Variants in MDFIC observed in about 807,000 individuals in gnomAD.
MDFIC encodes the protein MyoD family inhibitor domain containing.
A neutral mutation model predicts 23.2 loss-of-function variants in MDFIC; 17 were observed. The observed-to-expected ratio is 0.73, with a 90% CI of 0.50 to 1.10. The LOEUF (loss-of-function observed/expected upper bound fraction) is 1.10, where lower values mean the gene tolerates loss of function less well. MDFIC is among the 50% of genes least tolerant of loss of function. MDFIC has a pLI of 0.00. For synonymous variants in MDFIC, 120 were observed against 115.2 expected (o/e 1.04, Z -0.27); for missense variants, 356 against 316.6 (o/e 1.12, Z -0.95).
At chr7:114,933,789 A>G (rs1792374775) in intron 2 of MDFIC, 1 of 152,246 alleles carries the variant, frequency 6.6e-6, no homozygotes. Context: ...ATACTTTCTA[A>G]TATGGCACTG....
intron 2 of MDFIC, chr7:114,933,936 A>G (rs1413046771): frequency 6.6e-6 from 1 of 152,198 alleles, no homozygotes; most frequent in Non-Finnish European, 1.5e-5. Context: ...AAACTCTGAA[A>G]GTGGAATAAG....
intron 3 of MDFIC, among the ~76,000 whole-genome samples, chr7:114,961,218 C>T (rs1382165400): frequency 6.6e-6 from 1 of 152,184 alleles, no homozygotes; most frequent in Non-Finnish European, 1.5e-5. Context: ...CATGAACACT[C>T]CTAACCTCTT....
intron 3 of MDFIC, among the ~76,000 whole-genome samples, chr7:114,949,089 CTTA>C (rs946107321): frequency 1.3e-5 from 2 of 152,090 alleles, no homozygotes; most frequent in South Asian, 4.1e-4. Context: ...TTATTATTGT[CTTA>C]TTATTATCAT....
rs558941371 is a variant in MDFIC at position 114,991,095 on chromosome 7, G to A, written c.493+11314G>A. Among the ~76,000 whole-genome samples the A allele has an allele frequency of 4.8e-3, 723 of 152,130 alleles. 4 individuals carry two copies. The highest frequency in any genetic ancestry group is 0.016 in the African/African-American group (649 of 41,504). On this transcript the variant is annotated intron_variant, in intron 4 of 4. Coordinates refer to ENST00000393486, the MANE Select transcript of MDFIC (RefSeq NM_001166345.3). ...GGTTTTGATTTGCATTTCTCTGATG[G>A]CCAGTGATGATGAGCATTTTTTCAT...
chr7:115,009,519 C>T (rs559743569), intron 4 of MDFIC, among the ~76,000 whole-genome samples: 73 of 152,148 alleles, frequency 4.8e-4, no homozygotes, highest in Non-Finnish European at 7.9e-4. Context: ...ATCAGGTATC[C>T]GTATCAATTG....
chr7:114,958,488 C>T (rs904265308), intron 3 of MDFIC, among the ~76,000 whole-genome samples: 6 of 152,170 alleles, frequency 3.9e-5, no homozygotes, highest in African/African-American at 7.2e-5. Flanking sequence ...AGGTGGCTCA[C>T]GCCTGTAATC....
At chr7:114,932,173 G>T (rs187658184) in intron 2 of MDFIC, among the ~76,000 whole-genome samples, 3 of 152,134 alleles carry the variant, frequency 2.0e-5, no homozygotes, top group Non-Finnish European at 4.4e-5. Context: ...AAATATCTAT[G>T]TTCAAATAAC....
At chr7:114,953,328 A>G (rs1002210306) in intron 3 of MDFIC, among the ~76,000 whole-genome samples, 4 of 152,254 alleles carry the variant, frequency 2.6e-5, no homozygotes, top group South Asian at 2.1e-4. Flanking sequence ...ATAGGTATAT[A>G]TCATAAAAAT....
intron 3 of MDFIC, among the ~76,000 whole-genome samples, chr7:114,953,977 T>C (rs899038502): frequency 6.6e-6 from 1 of 152,192 alleles, no homozygotes; most frequent in African/African-American, 2.4e-5. Context: ...AATCCACTGA[T>C]TTGGAACGCA....
chr7:114,924,819 C>T (rs1159949905), intron 2 of MDFIC, among the ~76,000 whole-genome samples: 3 of 152,080 alleles, frequency 2.0e-5, no homozygotes, highest in Admixed American at 6.5e-5. Context: ...AGGCAGATGT[C>T]ATAAGGTGTA....
At chr7:114,986,303 C>T (rs1354755813) in intron 4 of MDFIC, among the ~76,000 whole-genome samples, 1 of 151,930 alleles carries the variant, frequency 6.6e-6, no homozygotes, top group Non-Finnish European at 1.5e-5. Context: ...GCATTTATAA[C>T]TGAGGAGTTT....
chr7:114,986,349 A>T (rs1319761409), intron 4 of MDFIC, among the ~76,000 whole-genome samples: 1 of 152,116 alleles, frequency 6.6e-6, no homozygotes, highest in Non-Finnish European at 1.5e-5. Context: ...CATACTCCCC[A>T]CCAGTAGGAG....
At position 114,922,456 on chromosome 7, in the gene MDFIC, G is replaced by A; in HGVS notation, c.-288G>A. 5.6e-6 allele frequency: 7 copies of A among 1,244,972 alleles called. No individual in the cohort carries two copies. The highest frequency in any genetic ancestry group is 7.1e-6 in the Non-Finnish European group (7 of 989,026). The allele number at this position is 1,244,972 out of a possible 1,614,324, so 77.1% of individuals were successfully genotyped here. ...AGCCGCCACCGCTGCCGCAGTTGCCGCCACTGCGGCGTCTGGGCTGAGCCG... is the reference window on the plus strand; with the variant it reads ...AGCCGCCACCGCTGCCGCAGTTGCCACCACTGCGGCGTCTGGGCTGAGCCG... On this transcript the variant is annotated 5_prime_UTR_variant, in exon 1 of 5. Coordinates refer to ENST00000393486, the MANE Select transcript of MDFIC (RefSeq NM_001166345.3).
intron 4 of MDFIC, among the ~76,000 whole-genome samples, chr7:114,987,567 C>T (rs549153230): frequency 1.3e-5 from 2 of 152,040 alleles, no homozygotes; most frequent in Non-Finnish European, 1.5e-5. Flanking sequence ...ATGGTGTGGG[C>T]GAAAGGTTTA....
At chr7:114,972,684 A>T (rs537464147) in intron 3 of MDFIC, among the ~76,000 whole-genome samples, 2 of 152,034 alleles carry the variant, frequency 1.3e-5, no homozygotes, top group African/African-American at 2.4e-5. Flanking sequence ...GCTGGAGTGC[A>T]GTGGCCTGAT....
intron 4 of MDFIC, among the ~76,000 whole-genome samples, chr7:115,005,978 C>T (rs1449505582): frequency 6.6e-6 from 1 of 152,184 alleles, no homozygotes; most frequent in Non-Finnish European, 1.5e-5. Context: ...TAACATTTCA[C>T]TCTGCTTGCT....
At chr7:114,971,486 C>T (rs191658075) in intron 3 of MDFIC, among the ~76,000 whole-genome samples, 4 of 152,254 alleles carry the variant, frequency 2.6e-5, no homozygotes, top group Non-Finnish European at 5.9e-5. Flanking sequence ...ATCAGAAAAG[C>T]GTTCTGCATC....
At chr7:114,942,444 T>C in intron 3 of MDFIC, 47 bp downstream of exon 3, 2 of 1,412,080 alleles carry the variant, frequency 1.4e-6, no homozygotes, top group South Asian at 1.5e-5. Context: ...GATATGACTA[T>C]GGTAATATAT....
intron 3 of MDFIC, among the ~76,000 whole-genome samples, chr7:114,952,014 G>A (rs1031860715): frequency 1.5e-4 from 23 of 152,216 alleles, no homozygotes; most frequent in Admixed American, 4.6e-4. Context: ...CCACAACCGC[G>A]TAGTTTCGCA....
Sources: allele counts gnomAD v4.1 joint callset (sites outside exome capture counted in the v4.1 genomes callset), GRCh38; gene constraint gnomAD v4.1.1; transcripts MANE v1.5; gene names NCBI Gene and HGNC (gene_info 2026-07-23, HGNC 2026-07-21).